CDH18: variants seen among roughly 807,000 people sequenced by gnomAD.
CDH18 encodes the protein cadherin-18.
Under a neutral mutation model 67.9 loss-of-function variants are expected in CDH18, and 31 were observed. That is an observed-to-expected ratio of 0.46 (90% CI 0.34 to 0.62). CDH18 has a LOEUF of 0.62. Among genes scored for constraint, CDH18 ranks in the 20% least tolerant of loss-of-function variants. The pLI, the probability that CDH18 is intolerant of heterozygous loss-of-function variation, is 0.01. For missense variants in CDH18, 890 were observed against 975.5 expected, an observed-to-expected ratio of 0.91 and a Z score of 1.17; for synonymous variants, 362 against 347.2, an observed-to-expected ratio of 1.04 and a Z score of -0.48.
chr5:20,453,386 A>G (rs12659684), intron 1 of CDH18, among the ~76,000 whole-genome samples: 30,114 of 152,084 alleles, frequency 0.2, 3,799 homozygotes, highest in East Asian at 0.39. Flanking sequence ...TTTGCCTGAT[A>G]GGGCAACTAA....
At chr5:19,812,554 CAGAT>C (rs772716566) in intron 3 of CDH18, among the ~76,000 whole-genome samples, 9 of 152,058 alleles carry the variant, frequency 5.9e-5, no homozygotes, top group Non-Finnish European at 1.2e-4. Context: ...AACCACCAAA[CAGAT>C]AGAAACTCCA....
intron 4 of CDH18, among the ~76,000 whole-genome samples, chr5:19,743,247 T>C (rs1769470582): frequency 6.6e-6 from 1 of 152,216 alleles, no homozygotes; most frequent in Admixed American, 6.5e-5. Flanking sequence ...TCTGTCTATA[T>C]GTATATAGTC....
chr5:20,319,853 G>GCCC lies in CDH18; in HGVS notation c.-579-64349_-579-64348insGGG, dbSNP rs1737834643. On this transcript the variant is annotated intron_variant, in intron 1 of 14. Coordinates refer to the CDH18 transcript ENST00000507958. ...TCATTTCTGGGGAGAGTCACTGTAT[G>GCCC]CAGCTCCGTCTCCCACTCCTGGTTT... 3.3e-5 allele frequency among the ~76,000 whole-genome samples: 5 copies of GCCC among 152,182 alleles called. 1 individual carries two copies. The East Asian group carries it at 7.7e-4, about 23-fold the overall frequency.
intron 1 of CDH18, among the ~76,000 whole-genome samples, chr5:20,557,856 AT>A (rs1236791038): frequency 0.031 from 3,695 of 117,450 alleles, 445 homozygotes; most frequent in African/African-American, 0.11. Context: ...GTTATATAAC[AT>A]TTAATGTTAT....
At chr5:20,229,550 T>C (rs1169524022) in intron 2 of CDH18, among the ~76,000 whole-genome samples, 3 of 152,146 alleles carry the variant, frequency 2.0e-5, no homozygotes, top group Non-Finnish European at 2.9e-5. Context: ...ATATGCTTTG[T>C]CCACTAAATG....
intron 1 of CDH18, among the ~76,000 whole-genome samples, chr5:20,339,828 T>C (rs1406121611): frequency 6.6e-6 from 1 of 152,188 alleles, no homozygotes; most frequent in Non-Finnish European, 1.5e-5. Context: ...TAAACTCTCT[T>C]GGAAAGATTT....
chr5:20,098,245 CA>C (rs1746158218), intron 2 of CDH18, among the ~76,000 whole-genome samples: 2 of 151,936 alleles, frequency 1.3e-5, no homozygotes, highest in African/African-American at 4.8e-5. Context: ...ATTATTTAAT[CA>C]GTAAAACCTC....
chr5:19,643,746 G>A (rs142301801), intron 5 of CDH18, among the ~76,000 whole-genome samples: 2 of 152,234 alleles, frequency 1.3e-5, no homozygotes, highest in East Asian at 3.9e-4. Context: ...AAATAAATTA[G>A]TTCTGGAGAT....
In CDH18 at chr5:20,545,791, C is replaced by G. The variant is rs189349373; in HGVS notation, c.-580+29671G>C. Among the ~76,000 whole-genome samples, 446 of 152,326 alleles carry G rather than the reference C, an allele frequency of 2.9e-3. 4 individuals are homozygous for G. Among genetic ancestry groups the G allele is most frequent in the South Asian group, 0.016 (78 of 4,828 alleles). The stretch of plus-strand genomic sequence containing the variant: ...TTGTCTTGGCTATTAACATTCAGCT[C>G]TCATTACTTAAGCAAATTTCTGGGG... On this transcript the variant is annotated intron_variant, in intron 1 of 14. Transcript: ENST00000507958.
At chr5:20,286,964 T>C (rs1429840676) in intron 1 of CDH18, among the ~76,000 whole-genome samples, 1 of 151,816 alleles carries the variant, frequency 6.6e-6, no homozygotes, top group Non-Finnish European at 1.5e-5. Flanking sequence ...AAATAGTTGT[T>C]TTGAGTACCT....
At chr5:19,807,570 A>C (rs1237882951) in intron 3 of CDH18, among the ~76,000 whole-genome samples, 1 of 152,066 alleles carries the variant, frequency 6.6e-6, no homozygotes, top group Non-Finnish European at 1.5e-5. Context: ...TCCTCACTAC[A>C]TCTTCTTTCC....
intron 5 of CDH18, among the ~76,000 whole-genome samples, chr5:19,646,392 T>A (rs1754745445): frequency 6.6e-6 from 1 of 152,108 alleles, no homozygotes; most frequent in African/African-American, 2.4e-5. Flanking sequence ...CAGGCTGGAG[T>A]GCAGTGGTGT....
chr5:20,384,722 A>G lies in CDH18; in HGVS notation c.-579-129217T>C, dbSNP rs549556507. 6.0e-4 allele frequency among the ~76,000 whole-genome samples: 92 copies of G among 152,296 alleles called. 2 individuals are homozygous for G. Among genetic ancestry groups the G allele is most frequent in the Admixed American group, 4.6e-3 (70 of 15,294 alleles). ...ACCAACAACAGTGCACAGAATTCCA[A>G]TTTCTCTGCATCCTTGCCAACACTT... On this transcript the variant is annotated intron_variant, in intron 1 of 14. Coordinates refer to the CDH18 transcript ENST00000507958.
At chr5:20,237,724 C>T (rs1203285416) in intron 2 of CDH18, among the ~76,000 whole-genome samples, 1 of 151,902 alleles carries the variant, frequency 6.6e-6, no homozygotes, top group East Asian at 1.9e-4. Flanking sequence ...TTTAAGATAT[C>T]AATTTTTCAC....
chr5:19,808,863 A>C (rs182107943), intron 3 of CDH18, among the ~76,000 whole-genome samples: 33 of 149,932 alleles, frequency 2.2e-4, no homozygotes, highest in Admixed American at 5.3e-4. Flanking sequence ...AAAGGAAAAG[A>C]AATAGAAAAT....
At chr5:19,969,544 G>A (rs1797817011) in intron 2 of CDH18, among the ~76,000 whole-genome samples, 1 of 150,288 alleles carries the variant, frequency 6.7e-6, no homozygotes, top group South Asian at 2.1e-4. Flanking sequence ...GTCCTTTGTA[G>A]GGACATGGAT....
At chr5:20,338,562 A>C (rs893238923) in intron 1 of CDH18, among the ~76,000 whole-genome samples, 7 of 152,204 alleles carry the variant, frequency 4.6e-5, no homozygotes, top group Non-Finnish European at 7.3e-5. Flanking sequence ...ATAGCTAGAC[A>C]GATGTTTGCT....
chr5:19,954,087 T>C (rs1469489632), intron 2 of CDH18, among the ~76,000 whole-genome samples: 2 of 152,086 alleles, frequency 1.3e-5, no homozygotes, highest in East Asian at 1.9e-4. Flanking sequence ...CAGGACCTAT[T>C]ATATTTTCTG....
At chr5:20,207,490 T>A (rs1417622544) in intron 2 of CDH18, among the ~76,000 whole-genome samples, 1 of 152,026 alleles carries the variant, frequency 6.6e-6, no homozygotes, top group Non-Finnish European at 1.5e-5. Flanking sequence ...GACTTACAGT[T>A]CCATGTGGCT....
Sources: gnomAD v4.1 joint callset for allele counts (sites outside exome capture counted in the v4.1 genomes callset) on GRCh38, gnomAD v4.1.1 for gene constraint, MANE v1.5 for transcripts, NCBI Gene and HGNC (gene_info 2026-07-23, HGNC 2026-07-21) for gene names.